Variants in CRYBG1 observed in about 807,000 individuals in gnomAD.
CRYBG1 encodes beta/gamma crystallin domain-containing protein 1.
CRYBG1 carries 139 observed loss-of-function variants against 189.2 expected under a neutral mutation model. The observed-to-expected ratio is 0.73, with a 90% CI of 0.64 to 0.85. CRYBG1 has a LOEUF of 0.85. CRYBG1 is among the 40% of genes least tolerant of loss of function. The probability of loss-of-function intolerance (pLI) is 0.00; values close to 1 mark genes in which losing one functional copy is unlikely to be tolerated. For synonymous variants in CRYBG1, 1,023 were observed against 1,017.1 expected, an observed-to-expected ratio of 1.01 and a Z score of -0.11; for missense variants, 2,611 against 2,675.8, an observed-to-expected ratio of 0.98 and a Z score of 0.53.
At chr6:106,470,946 CTT>C (rs1236503793) in intron 2 of CRYBG1, among the ~76,000 whole-genome samples, 1 of 152,204 alleles carries the variant, frequency 6.6e-6, no homozygotes, top group African/African-American at 2.4e-5. Context: ...ATTTCTGACT[CTT>C]AGCCTGAACT....
At chr6:106,498,264 A>G in intron 2 of CRYBG1, among the ~76,000 whole-genome samples, 1 of 152,242 alleles carries the variant, frequency 6.6e-6, no homozygotes, top group East Asian at 1.9e-4. Context: ...TGAACATACA[A>G]ATAATGACTA....
At chr6:106,548,152 G>T (rs576404746) in intron 13 of CRYBG1, among the ~76,000 whole-genome samples, 2 of 152,268 alleles carry the variant, frequency 1.3e-5, no homozygotes, top group South Asian at 4.1e-4. Context: ...AAACAGAGGA[G>T]TGTTGATTCA....
chr6:106,407,796 G>T (rs761534528), intron 1 of CRYBG1, among the ~76,000 whole-genome samples: 1 of 152,108 alleles, frequency 6.6e-6, no homozygotes, highest in African/African-American at 2.4e-5. Context: ...TGAAATTAAG[G>T]CAGAAATAAA....
intron 3 of CRYBG1, among the ~76,000 whole-genome samples, chr6:106,518,527 C>T (rs1381457622): frequency 3.3e-5 from 5 of 152,200 alleles, no homozygotes; most frequent in East Asian, 1.9e-4. Context: ...ATACATGCTA[C>T]GTACTCAATA....
At chr6:106,457,852 C>T (rs185803412) in intron 2 of CRYBG1, among the ~76,000 whole-genome samples, 4 of 152,198 alleles carry the variant, frequency 2.6e-5, no homozygotes, top group Admixed American at 2.0e-4. Flanking sequence ...AGGTCAAATA[C>T]ACTTAGGGGA....
At chr6:106,453,911 G>A (rs913996679) in intron 2 of CRYBG1, among the ~76,000 whole-genome samples, 3 of 152,096 alleles carry the variant, frequency 2.0e-5, no homozygotes, top group African/African-American at 4.8e-5. Context: ...GGATGGAGCC[G>A]GAGCAGGGAG....
chr6:106,421,619 A>G (rs1378322176), intron 1 of CRYBG1, among the ~76,000 whole-genome samples: 1 of 152,132 alleles, frequency 6.6e-6, no homozygotes, highest in African/African-American at 2.4e-5. Context: ...CCTGTCTCAG[A>G]TGTGACTCAG....
intron 16 of CRYBG1, 21 bp from the exon 17 acceptor site, chr6:106,555,747 G>A (rs1307485181): frequency 6.2e-7 from 1 of 1,613,766 alleles, no homozygotes; most frequent in Admixed American, 1.7e-5. Flanking sequence ...CTGTGCATGT[G>A]TGTGGTTTTT....
intron 2 of CRYBG1, among the ~76,000 whole-genome samples, chr6:106,492,013 T>C (rs1772734868): frequency 6.6e-6 from 1 of 152,204 alleles, no homozygotes; most frequent in South Asian, 2.1e-4. Flanking sequence ...TCACCCAGAA[T>C]GCCTTTTCTT....
At position 106,556,108 on chromosome 6, in the gene CRYBG1, G is replaced by A. The variant is rs1281247292; in HGVS notation, c.5715+211G>A. Among the ~76,000 whole-genome samples the A allele has an allele frequency of 4.6e-5, 7 of 152,244 alleles. No homozygotes were observed. The East Asian group carries it at 1.4e-3, about 29-fold the overall frequency. On this transcript the variant is annotated intron_variant, in intron 17 of 21. Transcript: ENST00000633556. ...TGTTTTACTCACTTAATCCTCATAT[G>A]CATATCCCTATGGACCTGAGTGGGA...
At chr6:106,484,610 G>T (rs72933589) in intron 2 of CRYBG1, among the ~76,000 whole-genome samples, 1 of 151,970 alleles carries the variant, frequency 6.6e-6, no homozygotes, top group African/African-American at 2.4e-5. Context: ...GTGAGCCACA[G>T]CACCTGGCCC....
intron 2 of CRYBG1, among the ~76,000 whole-genome samples, chr6:106,468,607 T>C (rs1772160120): frequency 6.6e-6 from 1 of 152,136 alleles, no homozygotes; most frequent in Non-Finnish European, 1.5e-5. Flanking sequence ...GGAAGACCAA[T>C]TGAACCCACT....
chr6:106,548,428 TG>T (rs1774313629), intron 13 of CRYBG1, among the ~76,000 whole-genome samples: 1 of 152,204 alleles, frequency 6.6e-6, no homozygotes, highest in South Asian at 2.1e-4. Flanking sequence ...AGCTGGGTGT[TG>T]GGTATTTACT....
At position 106,570,282 on chromosome 6, in the gene CRYBG1, ATAT is replaced by A. The variant is rs1377403666; in HGVS notation, c.*1721_*1723del. The A allele has an allele frequency of 2.0e-5, 3 of 152,244 alleles. No homozygotes were observed. Among genetic ancestry groups the A allele is most frequent in the East Asian group, 3.8e-4 (2 of 5,202 alleles). 9.4% of individuals were successfully genotyped at this position (152,244 alleles called of 1,614,324 possible). A position where few individuals can be genotyped will look rare whatever the true frequency, so the allele number is the denominator to read the frequency against. ...CTGGAATAGTTTGTCTTGTTTTAAA[ATAT>A]TATTGGTGCATGTACAACAGCATCC... On this transcript the variant is annotated 3_prime_UTR_variant, in exon 22 of 22. Coordinates refer to ENST00000633556, the MANE Select transcript of CRYBG1 (RefSeq NM_001371242.2).
Position 106,519,332 on chromosome 6 carries a change from T to A in CRYBG1, c.2124T>A (p.Ser708Arg). The A allele has an allele frequency of 1.2e-6, 2 of 1,614,112 alleles. No homozygotes were observed. Among genetic ancestry groups the A allele is most frequent in the South Asian group, 2.2e-5 (2 of 91,082 alleles). ...GCCAAAGGAATACTCCTGCCTCTAG[T>A]AAAACGTTTGTTGGGAGGGCAAAGC... ...IRGQRNTPASSKTFVGRAKLN... is the reference protein window; with the variant it reads ...IRGQRNTPASRKTFVGRAKLN... The change falls in exon 4 of 22, where the codon AGT becomes AGA. Residue 708 changes from serine to arginine, a missense_variant. This residue lies in a region of CRYBG1 where 1,622 missense variants were observed against 1,735.0 expected (regional missense o/e 0.93). Transcript: ENST00000633556.
chr6:106,501,075 G>A (rs954590303), intron 2 of CRYBG1, among the ~76,000 whole-genome samples: 12 of 152,222 alleles, frequency 7.9e-5, no homozygotes, highest in Admixed American at 2.6e-4. Context: ...CATTGATGAA[G>A]AGGTAGGGAC....
At chr6:106,475,552 C>T (rs1396208954) in intron 2 of CRYBG1, among the ~76,000 whole-genome samples, 3 of 152,076 alleles carry the variant, frequency 2.0e-5, no homozygotes, top group African/African-American at 4.8e-5. Flanking sequence ...GCAAGCACTA[C>T]GTGTGTTTGG....
At chr6:106,376,671 G>T (rs989478355) in intron 1 of CRYBG1, among the ~76,000 whole-genome samples, 5 of 152,158 alleles carry the variant, frequency 3.3e-5, no homozygotes, top group Admixed American at 2.6e-4. Flanking sequence ...GCCATTGGGA[G>T]CCCTGGTCTG....
In CRYBG1 at chr6:106,512,900, T is replaced by A; in HGVS notation, c.1783T>A (p.Phe595Ile). The A allele has an allele frequency of 6.2e-7, 1 of 1,603,260 alleles. No homozygotes were observed. The highest frequency in any genetic ancestry group is 8.5e-7 in the Non-Finnish European group (1 of 1,175,172). ...EHKRGPLPNH[F>I]NGRAEGGRSR... ...CAAGAGGGGCCCGCTCCCCAACCAC[T>A]TCAACGGCCGGGCAGAGGGAGGTCG... Residue 595 changes from phenylalanine (F) to isoleucine (I), a missense_variant, in exon 3 of 22, where the codon TTC (phenylalanine) becomes ATC (isoleucine). Coordinates refer to ENST00000633556, the MANE Select transcript of CRYBG1 (RefSeq NM_001371242.2).
Sources: gnomAD v4.1 joint callset for allele counts (sites outside exome capture counted in the v4.1 genomes callset) on GRCh38, gnomAD v4.1.1 for gene constraint, gnomAD v4.1.1 regional missense constraint, MANE v1.5 for transcripts, NCBI Gene and HGNC (gene_info 2026-07-23, HGNC 2026-07-21) for gene names.